CCDC171: variants seen among roughly 807,000 people sequenced by gnomAD.
CCDC171 encodes coiled-coil domain containing 171.
CCDC171 carries 177 observed loss-of-function variants against 168.2 expected under a neutral mutation model. The observed-to-expected ratio is 1.05, with a 90% CI of 0.93 to 1.19. The LOEUF is 1.19. Ranked by LOEUF, CCDC171 falls within the 50% of genes most tolerant of loss-of-function variation. The pLI is 0.00. For missense variants in CCDC171, 1,991 were observed against 1,539.0 expected (o/e 1.29, Z -4.91); for synonymous variants, 687 against 540.8 (o/e 1.27, Z -3.75).
At chr9:15,897,927 C>T (rs1821119840) in intron 24 of CCDC171, among the ~76,000 whole-genome samples, 2 of 152,106 alleles carry the variant, frequency 1.3e-5, no homozygotes, top group South Asian at 2.1e-4. Context: ...CAATTCTGCT[C>T]TTTATTAACT....
At chr9:15,724,115 C>T (rs1410987452) in intron 13 of CCDC171, among the ~76,000 whole-genome samples, 1 of 152,116 alleles carries the variant, frequency 6.6e-6, no homozygotes, top group Non-Finnish European at 1.5e-5. Context: ...AAGGTGGAGC[C>T]ATTGTTTTCA....
intron 7 of CCDC171, among the ~76,000 whole-genome samples, chr9:15,631,281 T>A (rs442719): frequency 0.54 from 81,873 of 150,900 alleles, 22,498 homozygotes; most frequent in East Asian, 0.77. Context: ...CTAGCAAGAC[T>A]AATAAAGAAG....
At chr9:15,616,298 G>A (rs1671101359) in intron 6 of CCDC171, among the ~76,000 whole-genome samples, 1 of 151,996 alleles carries the variant, frequency 6.6e-6, no homozygotes, top group African/African-American at 2.4e-5. Flanking sequence ...GTTGCCCAGT[G>A]TGGTCTTGAA....
chr9:15,976,867 T>C (rs1831634868), downstream of CCDC171, among the ~76,000 whole-genome samples: 1 of 152,066 alleles, frequency 6.6e-6, no homozygotes, highest in African/African-American at 2.4e-5. Context: ...TTCCTGATGG[T>C]TTAATTTAGT....
intron 25 of CCDC171, among the ~76,000 whole-genome samples, chr9:15,933,886 A>C (rs540603725): frequency 6.6e-6 from 1 of 152,156 alleles, no homozygotes; most frequent in South Asian, 2.1e-4. Flanking sequence ...GGATTCTTAG[A>C]TATGACACCA....
chr9:15,950,170 G>C (rs1040653804), intron 25 of CCDC171, among the ~76,000 whole-genome samples: 17 of 152,106 alleles, frequency 1.1e-4, no homozygotes, highest in African/African-American at 4.1e-4. Context: ...GAAAGTGACG[G>C]GGAGAATGGA....
At chr9:16,106,558 C>T in the CCDC171 span, among the ~76,000 whole-genome samples, 1 of 152,198 alleles carries the variant, frequency 6.6e-6, no homozygotes, top group Admixed American at 6.5e-5. Context: ...GAATTAGAAA[C>T]ATTCCTTCAG....
At chr9:16,023,030 G>A (rs568359487) in intron 6 of CCDC171, 1 of 152,122 alleles carries the variant, frequency 6.6e-6, no homozygotes, top group South Asian at 2.1e-4. Context: ...CAGAACCCAA[G>A]TTCTGGAAGA....
chr9:15,992,560 T>C (rs1832236224), intron 3 of CCDC171, among the ~76,000 whole-genome samples: 1 of 152,070 alleles, frequency 6.6e-6, no homozygotes, highest in Admixed American at 6.6e-5. Context: ...CTCTCACCAC[T>C]CCTATTCAAC....
intron 7 of CCDC171, among the ~76,000 whole-genome samples, chr9:15,632,235 C>G (rs904245850): frequency 2.7e-5 from 4 of 146,262 alleles, no homozygotes; most frequent in African/African-American, 9.8e-5. Flanking sequence ...CAAATTGTCC[C>G]TGTTTGCAGA....
At chr9:16,050,949 A>G (rs543574863) in intron 1 of CCDC171, among the ~76,000 whole-genome samples, 1 of 151,936 alleles carries the variant, frequency 6.6e-6, no homozygotes, top group East Asian at 1.9e-4. Context: ...TCACTTTTTG[A>G]CCTCTTTATG....
intron 8 of CCDC171, among the ~76,000 whole-genome samples, chr9:15,663,136 A>T (rs558442516): frequency 1.3e-5 from 2 of 152,352 alleles, no homozygotes; most frequent in South Asian, 2.1e-4. Context: ...TTTTAGTAAT[A>T]CGCCCAAAGT....
intron 21 of CCDC171, among the ~76,000 whole-genome samples, chr9:15,842,019 G>A (rs2060700193): frequency 6.6e-6 from 1 of 151,926 alleles, no homozygotes. Context: ...GCAATCTAGA[G>A]ATGTTTAAAG....
chr9:15,770,945 G>A (rs1283156632), intron 18 of CCDC171, among the ~76,000 whole-genome samples: 5 of 151,614 alleles, frequency 3.3e-5, no homozygotes. Flanking sequence ...TTTACATGAG[G>A]GAATCATATA....
At chr9:15,935,005 G>T (rs1826951421) in intron 25 of CCDC171, among the ~76,000 whole-genome samples, 1 of 152,084 alleles carries the variant, frequency 6.6e-6, no homozygotes, top group Non-Finnish European at 1.5e-5. Context: ...AGGCTAGGGG[G>T]AGGAGAGGAT....
At chr9:15,911,257 A>G (rs1334621484) in intron 24 of CCDC171, among the ~76,000 whole-genome samples, 1 of 152,136 alleles carries the variant, frequency 6.6e-6, no homozygotes, top group African/African-American at 2.4e-5. Context: ...GTGAGATGGT[A>G]TCTCATTGTG....
intron 7 of CCDC171, among the ~76,000 whole-genome samples, chr9:15,632,991 CCCTT>C (rs1311819114): frequency 2.6e-5 from 4 of 152,154 alleles, no homozygotes; most frequent in African/African-American, 9.7e-5. Flanking sequence ...GAAACTGGGT[CCCTT>C]CCTTACCCAT....
At chr9:15,630,761 A>G in intron 7 of CCDC171, among the ~76,000 whole-genome samples, 1 of 152,224 alleles carries the variant, frequency 6.6e-6, no homozygotes. Context: ...AATTGACCAC[A>G]TAGTTGGAAG....
At chr9:15,823,184 T>A (rs2059865706) in intron 21 of CCDC171, among the ~76,000 whole-genome samples, 1 of 151,330 alleles carries the variant, frequency 6.6e-6, no homozygotes, top group African/African-American at 2.4e-5. Flanking sequence ...GGGTTTGTTG[T>A]GGGGTGGGAG....
Sources: gnomAD v4.1 joint callset for allele counts (sites outside exome capture counted in the v4.1 genomes callset) on GRCh38, gnomAD v4.1.1 for gene constraint, MANE v1.5 for transcripts, NCBI Gene and HGNC (gene_info 2026-07-23, HGNC 2026-07-21) for gene names.